The following CTNNBL1 variants were observed in gnomAD, a reference collection of about 807,000 sequenced individuals.
CTNNBL1 encodes the protein catenin beta like 1, also known as beta-catenin-like protein 1.
A neutral mutation model predicts 72.7 loss-of-function variants in CTNNBL1; 31 were observed. The observed-to-expected ratio is 0.43, with a 90% CI of 0.32 to 0.58. The LOEUF is 0.58. Among genes scored for constraint, CTNNBL1 ranks in the 20% least tolerant of loss-of-function variants. The probability of loss-of-function intolerance (pLI) is 0.08; values close to 1 mark genes in which losing one functional copy is unlikely to be tolerated. For missense variants in CTNNBL1, 534 were observed against 725.1 expected, an observed-to-expected ratio of 0.74 and a Z score of 3.03; for synonymous variants, 240 against 267.3, an observed-to-expected ratio of 0.90 and a Z score of 1.00.
chr20:37,737,509 A>G, intron 3 of CTNNBL1, 25 bp downstream of exon 3: 2 of 1,484,372 alleles, frequency 1.3e-6, no homozygotes, highest in Non-Finnish European at 9.3e-7. Context: ...CACTGATACC[A>G]TGTCTCCTCT....
intron 12 of CTNNBL1, among the ~76,000 whole-genome samples, chr20:37,841,069 G>A (rs17724926): frequency 0.067 from 10,211 of 152,274 alleles, 413 homozygotes; most frequent in African/African-American, 0.088. Context: ...TGACTACTAT[G>A]GATTGGATAA....
chr20:37,769,259 T>G (rs1032516625), intron 7 of CTNNBL1, among the ~76,000 whole-genome samples: 3 of 152,218 alleles, frequency 2.0e-5, no homozygotes, highest in African/African-American at 7.2e-5. Context: ...GTACGATAAA[T>G]TCATAGAAGT....
At chr20:37,707,306 G>A (rs1011483606) in intron 1 of CTNNBL1, among the ~76,000 whole-genome samples, 2 of 152,318 alleles carry the variant, frequency 1.3e-5, no homozygotes, top group Non-Finnish European at 1.5e-5. Context: ...CCAACAGAAG[G>A]CTGTTTTGTC....
intron 11 of CTNNBL1, among the ~76,000 whole-genome samples, chr20:37,812,041 A>G (rs2072016182): frequency 6.6e-6 from 1 of 152,230 alleles, no homozygotes; most frequent in Non-Finnish European, 1.5e-5. Context: ...ACAGAGTCAT[A>G]GAAGGCAGAT....
At chr20:37,843,024 A>T (rs2072318083) in intron 13 of CTNNBL1, among the ~76,000 whole-genome samples, 1 of 152,162 alleles carries the variant, frequency 6.6e-6, no homozygotes, top group Admixed American at 6.5e-5. Context: ...TGTGCTTACT[A>T]TGGTGTTATC....
rs1474212876 is a variant in CTNNBL1 at position 37,860,253 on chromosome 20, C to A, written c.1531-19C>A. ...CAAATGGTTGTCTTTCTTTCTCTAC[C>A]CATTTTTTCCCTTATTAGATTCGCC... On this transcript the variant is annotated intron_variant, in intron 14 of 15. Transcript: ENST00000361383. 1.2e-6 allele frequency: 2 copies of A among 1,608,316 alleles called. No individual in the cohort carries two copies. The highest frequency in any genetic ancestry group is 2.2e-5 in the East Asian group (1 of 44,858).
intron 11 of CTNNBL1, among the ~76,000 whole-genome samples, chr20:37,838,223 C>T (rs1232649928): frequency 6.6e-6 from 1 of 152,166 alleles, no homozygotes; most frequent in African/African-American, 2.4e-5. Flanking sequence ...TTTAAACAGA[C>T]CTGACGTTAG....
intron 11 of CTNNBL1, among the ~76,000 whole-genome samples, chr20:37,831,372 T>C (rs1387390754): frequency 2.0e-4 from 1 of 5,042 alleles, no homozygotes; most frequent in African/African-American, 8.1e-4. Flanking sequence ...CTTTTCTTTT[T>C]TTTTTTTTTT....
chr20:37,699,786 CT>C (rs1461945361), intron 1 of CTNNBL1, among the ~76,000 whole-genome samples: 1 of 152,180 alleles, frequency 6.6e-6, no homozygotes, highest in East Asian at 1.9e-4. Context: ...TGATGCTGTA[CT>C]TTGTGATCCC....
rs561776147 is a variant in CTNNBL1 at position 37,822,004 on chromosome 20, T to A, written c.1214-18098T>A. 2.6e-5 allele frequency among the ~76,000 whole-genome samples: 4 copies of A among 152,070 alleles called. No individual in the cohort carries two copies. In the East Asian group the frequency reaches 7.7e-4, roughly 29 times the overall value. On this transcript the variant is annotated intron_variant, in intron 11 of 15. Coordinates refer to ENST00000361383, the MANE Select transcript of CTNNBL1 (RefSeq NM_030877.5). Reference sequence around the variant, plus strand: ...GGGAAGAATTTTATAGCTGTTGAGATCTTCCAGATCTCAGGACTGTTCAAT... The same window carrying A: ...GGGAAGAATTTTATAGCTGTTGAGAACTTCCAGATCTCAGGACTGTTCAAT...
At chr20:37,863,796 A>G (rs2072512717) in intron 15 of CTNNBL1, among the ~76,000 whole-genome samples, 1 of 152,140 alleles carries the variant, frequency 6.6e-6, no homozygotes, top group Admixed American at 6.5e-5. Context: ...TGAGGTCATC[A>G]GTGTGGAGGT....
At chr20:37,729,531 T>C (rs983455123) in intron 1 of CTNNBL1, among the ~76,000 whole-genome samples, 1 of 152,148 alleles carries the variant, frequency 6.6e-6, no homozygotes, top group Non-Finnish European at 1.5e-5. Context: ...AGCTTTCTCC[T>C]TTTAATTGTG....
intron 8 of CTNNBL1, 117 bp downstream of exon 8, chr20:37,777,534 G>A: frequency 3.6e-6 from 5 of 1,379,336 alleles, no homozygotes; most frequent in Non-Finnish European, 5.2e-6. Flanking sequence ...CACTCCCTGT[G>A]CTGCTTTTGT....
At chr20:37,801,105 G>A (rs892184177) in intron 10 of CTNNBL1, among the ~76,000 whole-genome samples, 4 of 152,232 alleles carry the variant, frequency 2.6e-5, no homozygotes, top group Non-Finnish European at 4.4e-5. Context: ...CCTTGAGAAT[G>A]TAAATTGCTT....
chr20:37,794,025 TGCCTTG>T (rs2073748286), intron 10 of CTNNBL1, among the ~76,000 whole-genome samples: 1 of 152,230 alleles, frequency 6.6e-6, no homozygotes, highest in African/African-American at 2.4e-5. Context: ...GTGATCCACC[TGCCTTG>T]GCCTCCCAAA....
chr20:37,812,338 A>G (rs1694412285), intron 11 of CTNNBL1, among the ~76,000 whole-genome samples: 2 of 152,182 alleles, frequency 1.3e-5, no homozygotes, highest in South Asian at 2.1e-4. Flanking sequence ...CATATAGGAT[A>G]TAAACCTCTT....
intron 10 of CTNNBL1, among the ~76,000 whole-genome samples, chr20:37,793,590 G>C (rs1433982267): frequency 6.6e-6 from 1 of 152,208 alleles, no homozygotes. Context: ...GGCCGTAAGA[G>C]TGGGACCCTA....
chr20:37,735,226 C>G (rs1568756558), intron 2 of CTNNBL1, among the ~76,000 whole-genome samples: 1 of 152,092 alleles, frequency 6.6e-6, no homozygotes, highest in African/African-American at 2.4e-5. Context: ...CTCCCCTCCC[C>G]TCCTCCCTTC....
chr20:37,802,839 C>T lies in CTNNBL1; in HGVS notation c.1032-28C>T, dbSNP rs896203186. ...AGCTCTATAATTTCCCCATGAAATACCTTATCTGAAACCTCTTTTGTTCAC... is the reference window on the plus strand; with the variant it reads ...AGCTCTATAATTTCCCCATGAAATATCTTATCTGAAACCTCTTTTGTTCAC... On this transcript the variant is annotated intron_variant, in intron 10 of 15. Transcript: ENST00000361383. 3.8e-6 allele frequency: 6 copies of T among 1,571,282 alleles called. No individual in the cohort carries two copies. The South Asian group carries it at 6.9e-5, about 18-fold the overall frequency.
Sources: gnomAD v4.1 joint callset for allele counts (sites outside exome capture counted in the v4.1 genomes callset) on GRCh38, gnomAD v4.1.1 for gene constraint, MANE v1.5 for transcripts, NCBI Gene and HGNC (gene_info 2026-07-23, HGNC 2026-07-21) for gene names.